Variants in SMARCAD1 observed in about 807,000 individuals in gnomAD.
The protein encoded by SMARCAD1 is SWI/SNF-related matrix-associated actin-dependent regulator of chromatin subfamily A containing DEAD/H box 1.
Under a neutral mutation model 127.1 loss-of-function variants are expected in SMARCAD1, and 25 were observed. The ratio of observed to expected loss-of-function variants is 0.20; its 90% CI spans 0.14 to 0.27. SMARCAD1 has a LOEUF of 0.27. Ranked by LOEUF, SMARCAD1 falls within the 10% of genes least tolerant of loss-of-function variation. The probability of loss-of-function intolerance (pLI) is 1.00; values close to 1 mark genes in which losing one functional copy is unlikely to be tolerated. For missense variants in SMARCAD1, 807 were observed against 1,206.0 expected (o/e 0.67, Z 4.90); for synonymous variants, 400 against 396.9 (o/e 1.01, Z -0.09).
At chr4:94,258,975 TTTG>T (rs1373150765) in intron 9 of SMARCAD1, among the ~76,000 whole-genome samples, 3 of 152,258 alleles carry the variant, frequency 2.0e-5, no homozygotes, top group East Asian at 1.9e-4. Flanking sequence ...TTCTTCTTTT[TTTG>T]TTGTTGTTAA....
intron 2 of SMARCAD1, among the ~76,000 whole-genome samples, chr4:94,211,442 T>C (rs1330760427): frequency 6.6e-6 from 1 of 152,092 alleles, no homozygotes; most frequent in Non-Finnish European, 1.5e-5. Flanking sequence ...GAGATGAAAA[T>C]TGGTGAATTA....
At chr4:94,253,566 C>T in intron 9 of SMARCAD1, 1 of 1,084,272 alleles carries the variant, frequency 9.2e-7, no homozygotes, top group Non-Finnish European at 1.1e-6. Context: ...AGCAACGTGG[C>T]CATTTTATGG....
chr4:94,208,350 T>C lies in SMARCAD1; in HGVS notation c.-45T>C. 6.3e-7 allele frequency: 1 copy of C among 1,590,884 alleles called. No homozygotes were observed. The highest frequency in any genetic ancestry group is 1.3e-5 in the African/African-American group (1 of 74,480). On this transcript the variant is annotated 5_prime_UTR_variant, in exon 2 of 24. Coordinates refer to ENST00000354268, the MANE Select transcript of SMARCAD1 (RefSeq NM_020159.5). ...CTCTTTATTTTTCCCCTGCAGATAG[T>C]TCATTTAAAGCCCCCATCCCTGCAA...
At chr4:94,240,706 A>C (rs1747443612) in intron 5 of SMARCAD1, among the ~76,000 whole-genome samples, 200 bp from the exon 6 acceptor site, 1 of 152,204 alleles carries the variant, frequency 6.6e-6, no homozygotes, top group South Asian at 2.1e-4. Context: ...ATAGTATTAC[A>C]GTGATTTCTA....
intron 10 of SMARCAD1, among the ~76,000 whole-genome samples, chr4:94,267,231 T>C (rs1269765751): frequency 6.6e-6 from 1 of 152,098 alleles, no homozygotes; most frequent in Non-Finnish European, 1.5e-5. Flanking sequence ...TCTGAGACCC[T>C]TTGTCAGTGA....
intron 6 of SMARCAD1, among the ~76,000 whole-genome samples, chr4:94,242,758 AT>A (rs1220790505): frequency 8.0e-5 from 12 of 150,266 alleles, no homozygotes; most frequent in Admixed American, 7.3e-4. Flanking sequence ...AAAAAAAAAA[AT>A]TTTTTTAATT....
At position 94,273,796 on chromosome 4, in the gene SMARCAD1, T is replaced by C. The variant is rs146244252; in HGVS notation, c.1672+80T>C. The C allele has an allele frequency of 1.8e-3, 1,962 of 1,100,636 alleles. 11 individuals carry two copies. The African/African-American group carries it at 0.026, about 14-fold the overall frequency. 68.2% of individuals were successfully genotyped at this position (1,100,636 alleles called of 1,614,324 possible). On this transcript the variant is annotated intron_variant, in intron 12 of 23. Coordinates refer to ENST00000354268, the MANE Select transcript of SMARCAD1 (RefSeq NM_020159.5). Reference sequence around the variant, plus strand: ...AAGAGAGTGTGTGTAAGGGTGTGTGTCGGAGGGGTGTTGTGGTTTCTTAGT... The same window carrying C: ...AAGAGAGTGTGTGTAAGGGTGTGTGCCGGAGGGGTGTTGTGGTTTCTTAGT...
intron 21 of SMARCAD1, 112 bp from the exon 22 acceptor site, chr4:94,283,009 G>C (rs886428674): frequency 1.9e-5 from 16 of 838,252 alleles, no homozygotes; most frequent in Non-Finnish European, 3.1e-5. Flanking sequence ...GCAATACTAA[G>C]AGATGTACAT....
At chr4:94,265,018 A>AC in intron 10 of SMARCAD1, 112 bp downstream of exon 10, 1 of 1,039,636 alleles carries the variant, frequency 9.6e-7, no homozygotes, top group African/African-American at 1.6e-5. Context: ...GTAGGAGAGA[A>AC]CCCCCAGGTT....
Position 94,289,757 on chromosome 4 carries a change from G to C in SMARCAD1, c.*223G>C, listed in dbSNP as rs923326879. On this transcript the variant is annotated 3_prime_UTR_variant, in exon 24 of 24. Coordinates refer to ENST00000354268, the MANE Select transcript of SMARCAD1 (RefSeq NM_020159.5). ...GCCACAAATATGTAGTTCTGAAGAT[G>C]TTGAATAATCATTTTACAAAGCAGT... The C allele has an allele frequency of 4.7e-6, 3 of 639,052 alleles. No individual in the cohort carries two copies. The highest frequency in any genetic ancestry group is 8.8e-6 in the Non-Finnish European group (3 of 342,224). The allele number at this position is 639,052 out of a possible 1,614,324, so 39.6% of individuals were successfully genotyped here. A position where few individuals can be genotyped will look rare whatever the true frequency, so the allele number is the denominator to read the frequency against.
intron 2 of SMARCAD1, among the ~76,000 whole-genome samples, chr4:94,218,415 C>T (rs925461593): frequency 6.6e-6 from 1 of 152,036 alleles, no homozygotes; most frequent in Non-Finnish European, 1.5e-5. Context: ...GACTCAGCCT[C>T]CTGAGTAGCT....
At chr4:94,251,011 C>T (rs980613980) in intron 8 of SMARCAD1, among the ~76,000 whole-genome samples, 178 bp downstream of exon 8, 1 of 152,018 alleles carries the variant, frequency 6.6e-6, no homozygotes, top group African/African-American at 2.4e-5. Flanking sequence ...ATGTTTTGAC[C>T]TGCCTGTTCT....
chr4:94,276,397 A>T lies in SMARCAD1; in HGVS notation c.1867A>T (p.Asn623Tyr). The T allele has an allele frequency of 1.2e-6, 2 of 1,614,166 alleles. No homozygotes were observed. Among genetic ancestry groups the T allele is most frequent in the Non-Finnish European group, 8.5e-7 (1 of 1,180,018 alleles). Reference protein sequence around the residue: ...DRSLFRRLKLNYAIFDEGHML... With the variant: ...DRSLFRRLKLYYAIFDEGHML... ...TAGTCTGTTTCGACGGCTGAAACTT[A>T]ATTACGCAATTTTTGATGAGGGCCA... The change falls in exon 15 of 24, where the codon AAT (asparagine) becomes TAT (tyrosine). Residue 623 changes from asparagine to tyrosine, a missense_variant. Asn to Tyr is a moderately radical substitution (Grantham distance 143, BLOSUM62 -2). Coordinates refer to ENST00000354268, the MANE Select transcript of SMARCAD1 (RefSeq NM_020159.5).
At chr4:94,278,072 C>T (rs1043424731) in intron 16 of SMARCAD1, among the ~76,000 whole-genome samples, 1 of 152,140 alleles carries the variant, frequency 6.6e-6, no homozygotes, top group Admixed American at 6.5e-5. Flanking sequence ...TTCTACCCCC[C>T]ACGCTCCTCC....
At chr4:94,275,007 C>A (rs190114494) in intron 14 of SMARCAD1, 42 bp downstream of exon 14, 4 of 1,364,254 alleles carry the variant, frequency 2.9e-6, no homozygotes, top group African/African-American at 1.4e-5. Flanking sequence ...ATTTATGCAG[C>A]CCCCAAATTT....
At chr4:94,210,630 G>T (rs1742061703) in intron 2 of SMARCAD1, among the ~76,000 whole-genome samples, 1 of 152,094 alleles carries the variant, frequency 6.6e-6, no homozygotes, top group South Asian at 2.1e-4. Flanking sequence ...GATCCCTGAT[G>T]GGAATGAGAT....
In SMARCAD1 at chr4:94,283,163, T is replaced by C; in HGVS notation, c.2769T>C (p.Phe923=). ...IDEFNTDMDI[F]VFLLSTKAGG... ...AGTTTAATACCGATATGGATATCTT[T>C]GTGTTTCTGCTATCAACAAAAGCTG... is the stretch of plus-strand genomic sequence containing the variant. The change falls in exon 22 of 24, where the codon TTT becomes TTC. Residue 923 remains phenylalanine, a synonymous_variant. Transcript: ENST00000354268. 6.2e-7 allele frequency: 1 copy of C among 1,613,814 alleles called. No homozygotes were observed. Among genetic ancestry groups the C allele is most frequent in the Non-Finnish European group, 8.5e-7 (1 of 1,179,916 alleles).
At chr4:94,250,239 C>G (rs965501257) in intron 7 of SMARCAD1, among the ~76,000 whole-genome samples, 1 of 151,956 alleles carries the variant, frequency 6.6e-6, no homozygotes, top group East Asian at 1.9e-4. Flanking sequence ...AAAAGGCCCT[C>G]TGTTTAATCC....
intron 6 of SMARCAD1, among the ~76,000 whole-genome samples, chr4:94,244,319 G>T (rs1579162443): frequency 6.6e-6 from 1 of 152,222 alleles, no homozygotes; most frequent in Non-Finnish European, 1.5e-5. Flanking sequence ...CAATGCTACA[G>T]TTTCCTAAGC....
Sources: gnomAD v4.1 joint callset for allele counts (sites outside exome capture counted in the v4.1 genomes callset) on GRCh38, gnomAD v4.1.1 for gene constraint, MANE v1.5 for transcripts, NCBI Gene and HGNC (gene_info 2026-07-23, HGNC 2026-07-21) for gene names.